The following AUNIP variants were observed in gnomAD, a reference collection of about 807,000 sequenced individuals.
AUNIP encodes aurora kinase A and ninein interacting protein.
A neutral mutation model predicts 12.2 loss-of-function variants in AUNIP; 16 were observed. That is an observed-to-expected ratio of 1.31 (90% CI 0.88 to 1.99). The LOEUF is 1.99. Among genes scored for constraint, AUNIP ranks in the 30% most tolerant of loss-of-function variants. The probability of loss-of-function intolerance (pLI) is 0.00; values close to 1 mark genes in which losing one functional copy is unlikely to be tolerated. For synonymous variants in AUNIP, 142 were observed against 154.8 expected (o/e 0.92, Z 0.61); for missense variants, 411 against 419.1 (o/e 0.98, Z 0.17).
chr1:25,853,388 G>A (rs2048437271), intron 1 of AUNIP, among the ~76,000 whole-genome samples: 1 of 152,124 alleles, frequency 6.6e-6, no homozygotes, highest in South Asian at 2.1e-4. Flanking sequence ...CCTGAGGTCA[G>A]GAGTTTGAGA....
At chr1:25,857,534 C>G (rs2048471784) in intron 1 of AUNIP, among the ~76,000 whole-genome samples, 1 of 148,874 alleles carries the variant, frequency 6.7e-6, no homozygotes, top group Non-Finnish European at 1.5e-5. Flanking sequence ...CAGGCGTGAG[C>G]CACCGCACCC....
rs57719994 is a variant in AUNIP at position 25,846,416 on chromosome 1, CAAAAAAAAAAAAAA to C, written c.79-8876_79-8863del. ...CGGGCAACAGAGTGAGACTCCATCTCAAAAAAAAAAAAAAAAAAAAAAAAAAGCCAGGTGTGGTG... is the reference window on the plus strand; with the variant it reads ...CGGGCAACAGAGTGAGACTCCATCTCAAAAAAAAAAAAGCCAGGTGTGGTG... On this transcript the variant is annotated intron_variant, in intron 1 of 2. Transcript: ENST00000374298. Among the ~76,000 whole-genome samples, 122 of 29,852 alleles carry C rather than the reference CAAAAAAAAAAAAAA, an allele frequency of 4.1e-3. 2 individuals are homozygous for C. The highest frequency in any genetic ancestry group is 0.017 in the African/African-American group (112 of 6,560). 19.6% of individuals were successfully genotyped at this position (29,852 alleles called of 152,430 possible). A position where few individuals can be genotyped will look rare whatever the true frequency, so the allele number is the denominator to read the frequency against.
At chr1:25,857,443 T>G (rs113271100) in intron 1 of AUNIP, among the ~76,000 whole-genome samples, 32,349 of 146,108 alleles carry the variant, frequency 0.22, 3,752 homozygotes, top group African/African-American at 0.27. Flanking sequence ...GAGACGGGGT[T>G]TCACCATGTT....
At chr1:25,855,024 T>C (rs1185283188) in intron 1 of AUNIP, among the ~76,000 whole-genome samples, 1 of 147,978 alleles carries the variant, frequency 6.8e-6, no homozygotes, top group Non-Finnish European at 1.5e-5. Flanking sequence ...TGGCGCAACC[T>C]TGGCTCACTG....
Position 25,835,393 on chromosome 1 carries a change from G to A in AUNIP, c.674C>T (p.Pro225Leu). 6.2e-7 allele frequency: 1 copy of A among 1,614,204 alleles called. No individual in the cohort carries two copies. The highest frequency in any genetic ancestry group is 8.5e-7 in the Non-Finnish European group (1 of 1,180,052). ...TCTTTCCAATTTAGTCTTGCCTAAG[G>A]GCTGACAGCATTTGTCCCCAGGTAG... is the stretch of plus-strand genomic sequence containing the variant. Reference protein sequence around the residue: ...TKLPGDKCCQPLGKTKLERKV... With the variant: ...TKLPGDKCCQLLGKTKLERKV... The change falls in exon 3 of 3, where the codon CCC becomes CTC. Residue 225 changes from proline (P) to leucine (L), a missense_variant. Coordinates refer to ENST00000374298, the MANE Select transcript of AUNIP (RefSeq NM_024037.3).
downstream of AUNIP, chr1:25,832,404 C>T: frequency 2.7e-5 from 12 of 444,848 alleles, no homozygotes; most frequent in South Asian, 2.5e-4. Context: ...GCCCAGCTGT[C>T]ACTCACTCAG....
At chr1:25,844,428 T>G (rs1429977034) in intron 1 of AUNIP, among the ~76,000 whole-genome samples, 1 of 152,112 alleles carries the variant, frequency 6.6e-6, no homozygotes, top group Non-Finnish European at 1.5e-5. Flanking sequence ...GCTCAACAAA[T>G]CTATTATCAA....
intron 1 of AUNIP, among the ~76,000 whole-genome samples, chr1:25,844,255 C>T (rs1177667552): frequency 1.3e-5 from 2 of 152,092 alleles, no homozygotes. Flanking sequence ...TATAGGTGTG[C>T]ACCACCATGC....
At chr1:25,856,475 A>G (rs1474680696) in intron 1 of AUNIP, among the ~76,000 whole-genome samples, 4 of 152,026 alleles carry the variant, frequency 2.6e-5, no homozygotes, top group Admixed American at 2.6e-4. Context: ...TGGGAGTTCA[A>G]GACCAGCCTA....
Position 25,834,930 on chromosome 1 carries a change from A to C in AUNIP, c.*63T>G. ...AACAAACTCACTCCTCTCTCCACCC[A>C]CAACTATATTTTCCTACATCTCTAT... On this transcript the variant is annotated 3_prime_UTR_variant, in exon 3 of 3. Transcript: ENST00000374298. 1 of 1,543,168 alleles carries C rather than the reference A, an allele frequency of 6.5e-7. No homozygotes were observed. The highest frequency in any genetic ancestry group is 8.7e-7 in the Non-Finnish European group (1 of 1,148,472).
intron 2 of AUNIP, among the ~76,000 whole-genome samples, chr1:25,837,044 C>A (rs559573923): frequency 6.6e-6 from 1 of 152,292 alleles, no homozygotes; most frequent in South Asian, 2.1e-4. Context: ...ACAAAAGTAT[C>A]AATTATTAAT....
intron 1 of AUNIP, among the ~76,000 whole-genome samples, chr1:25,844,992 A>C (rs1394699146): frequency 1.3e-5 from 2 of 152,222 alleles, no homozygotes; most frequent in African/African-American, 4.8e-5. Context: ...TGTTACCAAG[A>C]AAAGCTATCA....
At position 25,835,563 on chromosome 1, in the gene AUNIP, A is replaced by G. The variant is rs773073229; in HGVS notation, c.504T>C (p.His168=). 8.1e-6 allele frequency: 13 copies of G among 1,614,254 alleles called. No individual in the cohort carries two copies. The highest frequency in any genetic ancestry group is 1.7e-5 in the Admixed American group (1 of 60,030). Reference sequence around the variant, plus strand: ...CGGTGAAGGAAAAAGCCAGTGGGGTATGACTATCTCCAGCACAGTCTGGAG... The same window carrying G: ...CGGTGAAGGAAAAAGCCAGTGGGGTGTGACTATCTCCAGCACAGTCTGGAG... ...PDTPDCAGDS[H]TPLAFSFTED... is the part of the protein sequence containing the mutation. Residue 168 remains histidine, a synonymous_variant, in exon 3 of 3, where the codon CAT becomes CAC. Coordinates refer to ENST00000374298, the MANE Select transcript of AUNIP (RefSeq NM_024037.3).
At chr1:25,842,046 G>T (rs868728391) in intron 1 of AUNIP, among the ~76,000 whole-genome samples, 1 of 152,142 alleles carries the variant, frequency 6.6e-6, no homozygotes, top group African/African-American at 2.4e-5. Context: ...AGTGAAAGGA[G>T]AAGTCATAGG....
In AUNIP at chr1:25,835,052, G is replaced by A. The variant is rs1454483330; in HGVS notation, c.1015C>T (p.Pro339Ser). 5.6e-6 allele frequency: 9 copies of A among 1,614,202 alleles called. No homozygotes were observed. Among genetic ancestry groups the A allele is most frequent in the Non-Finnish European group, 7.6e-6 (9 of 1,180,034 alleles). ...GAGTCCTGGGTAAAGAGCAAATCAG[G>A]CTTCAGATTTTGAGTTGGCCCATCC... The part of the protein sequence containing the change: ...QEDGPTQNLK[P>S]DLLFTQDSEG... Residue 339 changes from proline to serine, a missense_variant, in exon 3 of 3, where the codon CCT (proline) becomes TCT (serine). By Grantham distance (74) the Pro-to-Ser change is moderately conservative. Transcript: ENST00000374298.
intron 1 of AUNIP, among the ~76,000 whole-genome samples, chr1:25,848,483 CAAAAAAAAAAAAA>C (rs761716480): frequency 1.6e-5 from 1 of 62,474 alleles, no homozygotes; most frequent in Non-Finnish European, 3.1e-5. Flanking sequence ...AACTCCGTCT[CAAAAAAAAAAAAA>C]AAAAAAAAAA....
intron 1 of AUNIP, among the ~76,000 whole-genome samples, chr1:25,855,732 T>G (rs1187713414): frequency 6.6e-6 from 1 of 152,194 alleles, no homozygotes; most frequent in South Asian, 2.1e-4. Flanking sequence ...CATCCATCCC[T>G]GACATTAAAA....
At chr1:25,850,760 C>G (rs1174203559) in intron 1 of AUNIP, among the ~76,000 whole-genome samples, 1 of 150,400 alleles carries the variant, frequency 6.6e-6, no homozygotes, top group Non-Finnish European at 1.5e-5. Context: ...TCCTGTCACA[C>G]TGCTGAACTC....
chr1:25,836,998 C>T (rs1313460086), intron 2 of AUNIP, among the ~76,000 whole-genome samples: 1 of 152,180 alleles, frequency 6.6e-6, no homozygotes, highest in Middle Eastern at 3.2e-3. Context: ...TAAGAAAAAG[C>T]ATCTTTGAAC....
Sources: gnomAD v4.1 joint callset for allele counts (sites outside exome capture counted in the v4.1 genomes callset) on GRCh38, gnomAD v4.1.1 for gene constraint, MANE v1.5 for transcripts, NCBI Gene and HGNC (gene_info 2026-07-23, HGNC 2026-07-21) for gene names.